GPR173: variants seen among roughly 807,000 people sequenced by gnomAD.
GPR173 encodes probable G protein-coupled receptor 173.
GPR173 carries 2 observed loss-of-function variants against 13.9 expected under a neutral mutation model. The observed-to-expected ratio is 0.14, with a 90% CI of 0.06 to 0.45. The LOEUF is 0.45. Ranked by LOEUF, GPR173 falls within the 20% of genes least tolerant of loss-of-function variation. The pLI, the probability that GPR173 is intolerant of heterozygous loss-of-function variation, is 0.98. For missense variants in GPR173, 202 were observed against 340.5 expected (o/e 0.59, Z 3.20); for synonymous variants, 131 against 141.0 (o/e 0.93, Z 0.50).
At chrX:53,055,638 G>A (rs1048970466) in intron 1 of GPR173, among the ~76,000 whole-genome samples, 8 of 109,849 alleles carry the variant, frequency 7.3e-5, no homozygotes, top group Admixed American at 9.8e-5. Flanking sequence ...GAGAGCATGG[G>A]TGGATCTGGG....
At chrX:53,074,149 TTC>T (rs1556805322) in intron 1 of GPR173, among the ~76,000 whole-genome samples, 3 of 98,053 alleles carry the variant, frequency 3.1e-5, no homozygotes, top group East Asian at 3.1e-4. Context: ...TGTATATTTA[TTC>T]ATATAGAAAT....
intron 1 of GPR173, among the ~76,000 whole-genome samples, chrX:53,056,003 G>A (rs182034364): frequency 2.7e-5 from 3 of 109,115 alleles, no homozygotes; most frequent in Non-Finnish European, 5.7e-5. Flanking sequence ...TGGGGTGTGG[G>A]TAAGTGTAGT....
intron 1 of GPR173, among the ~76,000 whole-genome samples, chrX:53,072,725 GAGAA>G (rs1932278903): frequency 9.0e-6 from 1 of 110,904 alleles, no homozygotes; most frequent in African/African-American, 3.3e-5. Context: ...GAGAGAGAAA[GAGAA>G]AGAGAGAGAG....
At chrX:53,061,017 G>A (rs1416386165) in intron 1 of GPR173, among the ~76,000 whole-genome samples, 2 of 107,177 alleles carry the variant, frequency 1.9e-5, no homozygotes, top group Admixed American at 1.0e-4. Flanking sequence ...TCAGGAGATC[G>A]AGACCATCCT....
chrX:53,055,779 G>T lies in GPR173; in HGVS notation c.-98+6295G>T, dbSNP rs781861590. On this transcript the variant is annotated intron_variant, in intron 1 of 1. Transcript: ENST00000332582. ...TGAGTGGATCTCCATGGTCTATATG[G>T]GATGAATCTGGATGATGATATATGA... Among the ~76,000 whole-genome samples, 3 of 109,752 alleles carry T rather than the reference G, an allele frequency of 2.7e-5. No individual in the cohort carries two copies. The East Asian group carries it at 8.7e-4, about 32-fold the overall frequency.
intron 1 of GPR173, among the ~76,000 whole-genome samples, chrX:53,052,333 GTGTT>G (rs1358824779): frequency 1.9e-4 from 21 of 111,423 alleles, no homozygotes; most frequent in African/African-American, 6.2e-4. Context: ...ATGTCTAATT[GTGTT>G]TGTGTGTACA....
At chrX:53,073,458 C>G (rs1932294994) in intron 1 of GPR173, among the ~76,000 whole-genome samples, 1 of 110,438 alleles carries the variant, frequency 9.1e-6, no homozygotes, top group Non-Finnish European at 1.9e-5. Flanking sequence ...GGTCACATCC[C>G]CACACTCCCG....
chrX:53,057,392 A>G lies in GPR173; in HGVS notation c.-98+7908A>G, dbSNP rs1327206510. Reference sequence around the variant, plus strand: ...AGATCATGCCATTGCACTCCAGCCTAGGCAACAAGAGTGAAACTCCATCTC... The same window carrying G: ...AGATCATGCCATTGCACTCCAGCCTGGGCAACAAGAGTGAAACTCCATCTC... On this transcript the variant is annotated intron_variant, in intron 1 of 1. Coordinates refer to ENST00000332582, the MANE Select transcript of GPR173 (RefSeq NM_018969.6). Among the ~76,000 whole-genome samples the G allele has an allele frequency of 3.9e-3, 293 of 75,371 alleles. No individual in the cohort carries two copies. The Middle Eastern group carries it at 0.081, about 21-fold the overall frequency. 65.5% of individuals were successfully genotyped at this position (75,371 alleles called of 115,157 possible).
chrX:53,076,773 G>A lies in GPR173; in HGVS notation c.152G>A (p.Arg51His), dbSNP rs797042050. The A allele has an allele frequency of 3.1e-5, 38 of 1,209,493 alleles. No individual in the cohort carries two copies. Among genetic ancestry groups the A allele is most frequent in the Non-Finnish European group, 4.1e-5 (37 of 894,369 alleles). Residue 51 changes from arginine to histidine, a missense_variant, in exon 2 of 2, where the codon CGT (arginine) becomes CAT (histidine). By Grantham distance (29) the Arg-to-His change is conservative. Transcript: ENST00000332582. ...TTGTCCCTGCTGGTGCTCAAGGAGC[G>A]TGCCCTGCACAAGGCTCCTTACTAC... is the stretch of plus-strand genomic sequence containing the variant. ...AILSLLVLKE[R>H]ALHKAPYYFL... is the part of the protein sequence containing the mutation.
chrX:53,060,580 CA>C (rs111798225), intron 1 of GPR173, among the ~76,000 whole-genome samples: 25,047 of 61,341 alleles, frequency 0.41, 4,052 homozygotes, highest in African/African-American at 0.65. Flanking sequence ...GACTCCGTCT[CA>C]AAAAAAAAAA....
chrX:53,074,061 A>AAT lies in GPR173; in HGVS notation c.-97-2458_-97-2457dup, dbSNP rs1287647186. 9.7e-3 allele frequency among the ~76,000 whole-genome samples: 299 copies of AAT among 30,735 alleles called. 39 individuals carry two copies. Among genetic ancestry groups the AAT allele is most frequent in the African/African-American group, 0.05 (143 of 2,836 alleles). 26.7% of individuals were successfully genotyped at this position (30,735 alleles called of 115,157 possible). A position where few individuals can be genotyped will look rare whatever the true frequency, so the allele number is the denominator to read the frequency against. ...ATATAAATATAAATATATATTTATA[A>AAT]ATATATAAATATACATGTATATTTA... On this transcript the variant is annotated intron_variant, in intron 1 of 1. Coordinates refer to ENST00000332582, the MANE Select transcript of GPR173 (RefSeq NM_018969.6).
At position 53,079,825 on chromosome X, in the gene GPR173, C is replaced by A. The variant is rs1364445800; in HGVS notation, c.*2082C>A. 4 of 122,261 alleles carry A rather than the reference C, an allele frequency of 3.3e-5. No individual in the cohort carries two copies. Among genetic ancestry groups the A allele is most frequent in the African/African-American group, 1.3e-4 (4 of 30,402 alleles). The allele number at this position is 122,261 out of a possible 1,213,427, so 10.1% of individuals were successfully genotyped here. On this transcript the variant is annotated 3_prime_UTR_variant, in exon 2 of 2. Transcript: ENST00000332582. ...AGAGGAGACAAACTAGAGTATGTGC[C>A]CGTGGTAGGAAGTCGAGTGGTCAAG...
At chrX:53,074,349 T>TTATTC (rs1932371414) in intron 1 of GPR173, among the ~76,000 whole-genome samples, 1 of 3,658 alleles carries the variant, frequency 2.7e-4, no homozygotes, top group African/African-American at 1.1e-3. Flanking sequence ...TATATATATT[T>TTATTC]ATATATATTT....
chrX:53,058,490 C>T (rs1196171070), intron 1 of GPR173, among the ~76,000 whole-genome samples: 1 of 109,768 alleles, frequency 9.1e-6, no homozygotes, highest in African/African-American at 3.3e-5. Context: ...ATCTGAGGGT[C>T]TCTCTGTATT....
rs922930797 is a variant in GPR173, at chrX:53,077,827, C to A, written c.*84C>A. ...AGCAAGGGAGGGGTAGGGGCCCATA[C>A]AGGAGTCCTCCTTTCTGAGCTCCAG... On this transcript the variant is annotated 3_prime_UTR_variant, in exon 2 of 2. Coordinates refer to ENST00000332582, the MANE Select transcript of GPR173 (RefSeq NM_018969.6). The A allele has an allele frequency of 5.2e-5, 41 of 781,911 alleles. No individual in the cohort carries two copies. In the East Asian group the frequency reaches 1.1e-3, roughly 21 times the overall value. The allele number at this position is 781,911 out of a possible 1,213,427, so 64.4% of individuals were successfully genotyped here. A position where few individuals can be genotyped will look rare whatever the true frequency, so the allele number is the denominator to read the frequency against.
At chrX:53,057,510 G>A (rs1454674574) in intron 1 of GPR173, among the ~76,000 whole-genome samples, 2 of 108,515 alleles carry the variant, frequency 1.8e-5, no homozygotes, top group African/African-American at 6.7e-5. Context: ...AGCCGAGGTG[G>A]GCGGATCACC....
At chrX:53,050,147 C>G (rs1931937418) in intron 1 of GPR173, among the ~76,000 whole-genome samples, 1 of 111,226 alleles carries the variant, frequency 9.0e-6, no homozygotes, top group South Asian at 3.8e-4. Context: ...GAAGATGTTG[C>G]CGATTCCCAG....
intron 1 of GPR173, among the ~76,000 whole-genome samples, chrX:53,061,873 G>A (rs782690993): frequency 1.8e-5 from 2 of 110,467 alleles, no homozygotes; most frequent in African/African-American, 6.6e-5. Flanking sequence ...AGGTTGAGGG[G>A]CATGCATCTA....
intron 1 of GPR173, among the ~76,000 whole-genome samples, chrX:53,051,165 G>A (rs782086094): frequency 9.0e-6 from 1 of 111,388 alleles, no homozygotes; most frequent in South Asian, 3.8e-4. Flanking sequence ...GCGTCCCAGG[G>A]AGCTGCTCAC....
Sources: allele counts gnomAD v4.1 joint callset (sites outside exome capture counted in the v4.1 genomes callset), GRCh38; gene constraint gnomAD v4.1.1; transcripts MANE v1.5; gene names NCBI Gene and HGNC (gene_info 2026-07-23, HGNC 2026-07-21).